The following DIAPH2 variants were observed in gnomAD, a reference collection of about 807,000 sequenced individuals.
The protein encoded by DIAPH2 is protein diaphanous homolog 2.
In DIAPH2, 35 loss-of-function variants were observed where a neutral mutation model predicts 92.7. That is an observed-to-expected ratio of 0.38 (90% CI 0.29 to 0.50). The LOEUF (loss-of-function observed/expected upper bound fraction) is 0.50, where lower values mean the gene tolerates loss of function less well. Among genes scored for constraint, DIAPH2 ranks in the 20% least tolerant of loss-of-function variants. DIAPH2 has a pLI of 0.94. For synonymous variants in DIAPH2, 301 were observed against 280.4 expected (o/e 1.07, Z -0.73); for missense variants, 701 against 819.5 (o/e 0.86, Z 1.77).
rs1485308610 is a variant in DIAPH2 at position 97,582,861 on chromosome X, C to T, written c.3242-16392C>T. ...CACATAGTCCCATATTTCTTGGAGGCTTTGCTCGTTTCTTTTTATTCTTTT... is the reference window on the plus strand; with the variant it reads ...CACATAGTCCCATATTTCTTGGAGGTTTTGCTCGTTTCTTTTTATTCTTTT... On this transcript the variant is annotated intron_variant, in intron 26 of 26. Coordinates refer to ENST00000324765, the MANE Select transcript of DIAPH2 (RefSeq NM_006729.5). 7.2e-5 allele frequency among the ~76,000 whole-genome samples: 8 copies of T among 111,189 alleles called. No homozygotes were observed. The South Asian group carries it at 1.2e-3, about 16-fold the overall frequency.
At chrX:97,324,593 G>A (rs1333494027) in intron 23 of DIAPH2, among the ~76,000 whole-genome samples, 1 of 111,352 alleles carries the variant, frequency 9.0e-6, no homozygotes, top group Non-Finnish European at 1.9e-5. Flanking sequence ...GATTGTGATA[G>A]TCTGTACTCA....
intron 22 of DIAPH2, among the ~76,000 whole-genome samples, chrX:97,150,002 AT>A (rs956740215): frequency 3.2e-4 from 35 of 109,712 alleles, no homozygotes; most frequent in African/African-American, 4.0e-4. Flanking sequence ...CAGTCACAGA[AT>A]TTTTTTTTAT....
In DIAPH2 at chrX:96,718,336, GTTTTTTTTTTTTTTTTTTT is replaced by G. The variant is rs962776012; in HGVS notation, c.133-17402_133-17384del. Among the ~76,000 whole-genome samples, 72 of 10,989 alleles carry G rather than the reference GTTTTTTTTTTTTTTTTTTT, an allele frequency of 6.6e-3. No individual in the cohort carries two copies. In the South Asian group the frequency reaches 0.12, roughly 18 times the overall value. 9.5% of individuals were successfully genotyped at this position (10,989 alleles called of 115,157 possible). A position where few individuals can be genotyped will look rare whatever the true frequency, so the allele number is the denominator to read the frequency against. On this transcript the variant is annotated intron_variant, in intron 1 of 26. Transcript: ENST00000324765. Reference sequence around the variant, plus strand: ...TGTATATATGTACCACATTTTCTTTGTTTTTTTTTTTTTTTTTTTTTTTTTTTTTTTTTTTTTTATGGTG... The same window carrying G: ...TGTATATATGTACCACATTTTCTTTGTTTTTTTTTTTTTTTTTTTATGGTG...
intron 17 of DIAPH2, among the ~76,000 whole-genome samples, chrX:96,977,646 C>A (rs368826207): frequency 9.0e-6 from 1 of 110,948 alleles, no homozygotes; most frequent in East Asian, 2.8e-4. Flanking sequence ...TATAGCTTCT[C>A]ATTCATATTT....
At chrX:96,771,224 A>G (rs908100922) in intron 4 of DIAPH2, among the ~76,000 whole-genome samples, 7 of 111,853 alleles carry the variant, frequency 6.3e-5, no homozygotes, top group African/African-American at 2.3e-4. Flanking sequence ...TGATTATATT[A>G]ATATTTATGA....
At chrX:97,051,530 T>TTA (rs61183871) in intron 17 of DIAPH2, among the ~76,000 whole-genome samples, 3 of 109,626 alleles carry the variant, frequency 2.7e-5, no homozygotes, top group Admixed American at 9.8e-5. Context: ...TTTTTTTTTT[T>TTA]AATTGGCCAC....
intron 26 of DIAPH2, among the ~76,000 whole-genome samples, chrX:97,464,240 A>G (rs978838824): frequency 2.4e-4 from 23 of 97,558 alleles, no homozygotes; most frequent in South Asian, 1.1e-3. Flanking sequence ...CGAGGCGGGC[A>G]GATCACAAGG....
At chrX:96,705,788 C>T (rs766539599) in intron 1 of DIAPH2, among the ~76,000 whole-genome samples, 43 of 112,000 alleles carry the variant, frequency 3.8e-4, no homozygotes, top group East Asian at 1.4e-3. Flanking sequence ...AATCACTTGC[C>T]TCAAGGCCAC....
rs575310531 is a variant in DIAPH2, at chrX:96,694,472, C to G, written c.132+9282C>G. Among the ~76,000 whole-genome samples the G allele has an allele frequency of 2.6e-4, 29 of 110,379 alleles. No individual in the cohort carries two copies. In the South Asian group the frequency reaches 7.5e-3, roughly 28 times the overall value. On this transcript the variant is annotated intron_variant, in intron 1 of 26. Transcript: ENST00000324765. ...TCTTCTGCCTCAGCCTCCCGAGTAC[C>G]TGGGATTACAAGCATGCACCACCAC...
chrX:97,197,356 A>G (rs753035657), intron 22 of DIAPH2, among the ~76,000 whole-genome samples: 1 of 112,274 alleles, frequency 8.9e-6, no homozygotes, highest in South Asian at 3.7e-4. Context: ...ACATATAGAC[A>G]CAAATCATAA....
chrX:97,487,710 G>A (rs1049544595), intron 26 of DIAPH2, among the ~76,000 whole-genome samples: 4 of 111,699 alleles, frequency 3.6e-5, no homozygotes, highest in Non-Finnish European at 7.5e-5. Flanking sequence ...AGTTGTATAA[G>A]GGTTCCAATT....
intron 22 of DIAPH2, among the ~76,000 whole-genome samples, chrX:97,226,816 T>C (rs2067969319): frequency 8.9e-6 from 1 of 112,493 alleles, no homozygotes; most frequent in African/African-American, 3.2e-5. Flanking sequence ...TGTATATGTG[T>C]ATATTCCAGT....
At chrX:97,036,741 G>A (rs1319521314) in intron 17 of DIAPH2, among the ~76,000 whole-genome samples, 1 of 112,036 alleles carries the variant, frequency 8.9e-6, no homozygotes, top group East Asian at 2.8e-4. Flanking sequence ...TTGAGAGAGA[G>A]AGTCGATTGA....
At chrX:97,188,327 G>A (rs1028267746) in intron 22 of DIAPH2, among the ~76,000 whole-genome samples, 2 of 111,383 alleles carry the variant, frequency 1.8e-5, no homozygotes, top group Non-Finnish European at 3.8e-5. Flanking sequence ...TTTAAGTTTG[G>A]TGGTGACATA....
chrX:97,573,883 A>G (rs1272276328), intron 26 of DIAPH2, among the ~76,000 whole-genome samples: 1 of 110,022 alleles, frequency 9.1e-6, no homozygotes, highest in Non-Finnish European at 1.9e-5. Context: ...CTGGTCTCGA[A>G]CTCCTGACCT....
intron 23 of DIAPH2, among the ~76,000 whole-genome samples, chrX:97,277,958 G>T (rs1164710839): frequency 8.9e-6 from 1 of 111,882 alleles, no homozygotes; most frequent in Non-Finnish European, 1.9e-5. Context: ...CGATTTTCCT[G>T]CCTAAGCCTC....
At chrX:97,072,627 T>C (rs1222271808) in intron 17 of DIAPH2, among the ~76,000 whole-genome samples, 2 of 112,273 alleles carry the variant, frequency 1.8e-5, no homozygotes, top group Admixed American at 9.4e-5. Context: ...GGTTGTACTA[T>C]ATATTTAATT....
intron 1 of DIAPH2, among the ~76,000 whole-genome samples, chrX:96,695,738 G>A (rs369137104): frequency 1.8e-5 from 2 of 111,345 alleles, no homozygotes; most frequent in East Asian, 5.6e-4. Flanking sequence ...ACTCTGAAGG[G>A]CATCTTATTT....
intron 23 of DIAPH2, among the ~76,000 whole-genome samples, chrX:97,252,102 A>G (rs189478313): frequency 3.6e-5 from 4 of 112,270 alleles, no homozygotes; most frequent in Admixed American, 1.9e-4. Context: ...CATTCTTAAC[A>G]TCTTAAACTA....
Sources: gnomAD v4.1 joint callset for allele counts (sites outside exome capture counted in the v4.1 genomes callset) on GRCh38, gnomAD v4.1.1 for gene constraint, MANE v1.5 for transcripts, NCBI Gene and HGNC (gene_info 2026-07-23, HGNC 2026-07-21) for gene names.